The following ZSWIM6 variants were observed in gnomAD, a reference collection of about 807,000 sequenced individuals.
ZSWIM6 encodes zinc finger SWIM-type containing 6, also known as zinc finger SWIM domain-containing protein 6.
In ZSWIM6, 9 loss-of-function variants were observed where a neutral mutation model predicts 113.2. The observed-to-expected ratio is 0.08, with a 90% CI of 0.05 to 0.14. The LOEUF is 0.14. ZSWIM6 is among the 10% of genes least tolerant of loss of function. The pLI is 1.00. For missense variants in ZSWIM6, 1,162 were observed against 1,552.2 expected (o/e 0.75, Z 4.22); for synonymous variants, 611 against 606.5 (o/e 1.01, Z -0.11).
At chr5:61,527,332 G>T (rs576112349) in intron 7 of ZSWIM6, among the ~76,000 whole-genome samples, 1 of 152,128 alleles carries the variant, frequency 6.6e-6, no homozygotes, top group East Asian at 1.9e-4. Flanking sequence ...TAGTTGCTGG[G>T]TTTTTGTTTT....
chr5:61,494,237 A>G (rs748707277), intron 3 of ZSWIM6, 23 bp from the exon 4 acceptor site: 5 of 1,545,092 alleles, frequency 3.2e-6, no homozygotes, highest in South Asian at 1.2e-5. Context: ...ACAATTTTCT[A>G]AAGGTCTGTT....
chr5:61,397,229 G>T (rs926601081), intron 1 of ZSWIM6, among the ~76,000 whole-genome samples: 30 of 152,178 alleles, frequency 2.0e-4, no homozygotes, highest in African/African-American at 7.2e-4. Flanking sequence ...TATCCCAGTT[G>T]TGTGTAATAC....
intron 2 of ZSWIM6, among the ~76,000 whole-genome samples, chr5:61,479,407 C>T (rs879873877): frequency 6.6e-5 from 10 of 151,958 alleles, no homozygotes; most frequent in Non-Finnish European, 1.0e-4. Context: ...AGCCCAATAC[C>T]CTTCATCCTC....
chr5:61,510,090 C>T (rs994766666), intron 4 of ZSWIM6, among the ~76,000 whole-genome samples: 1 of 151,894 alleles, frequency 6.6e-6, no homozygotes, highest in Non-Finnish European at 1.5e-5. Flanking sequence ...CTGCCACCAC[C>T]GAGAGCCTCA....
At chr5:61,480,471 G>T (rs1747827144) in intron 2 of ZSWIM6, among the ~76,000 whole-genome samples, 1 of 152,146 alleles carries the variant, frequency 6.6e-6, no homozygotes, top group African/African-American at 2.4e-5. Context: ...TCCACGGTGA[G>T]GAAAATGGCT....
At chr5:61,434,623 G>A (rs1265985188) in intron 1 of ZSWIM6, among the ~76,000 whole-genome samples, 5 of 151,960 alleles carry the variant, frequency 3.3e-5, no homozygotes, top group East Asian at 1.9e-4. Context: ...CCATTATTTC[G>A]TTTCTTTTTA....
intron 1 of ZSWIM6, among the ~76,000 whole-genome samples, chr5:61,380,056 C>A (rs749805012): frequency 4.6e-5 from 7 of 151,938 alleles, no homozygotes; most frequent in Admixed American, 3.9e-4. Flanking sequence ...CTGTTTATTA[C>A]TCTGTCTTCA....
chr5:61,536,174 T>C (rs962992872), intron 10 of ZSWIM6, among the ~76,000 whole-genome samples: 1 of 152,204 alleles, frequency 6.6e-6, no homozygotes, highest in East Asian at 1.9e-4. Context: ...CTGCCTCTCT[T>C]CTGACTGCTT....
chr5:61,451,744 T>C (rs1011982271), intron 1 of ZSWIM6, among the ~76,000 whole-genome samples: 1 of 152,214 alleles, frequency 6.6e-6, no homozygotes, highest in Non-Finnish European at 1.5e-5. Flanking sequence ...CTTTCTGCAT[T>C]GGTTTTTAGA....
intron 1 of ZSWIM6, chr5:61,375,131 G>A: frequency 6.2e-7 from 1 of 1,610,976 alleles, no homozygotes; most frequent in Non-Finnish European, 8.5e-7. Flanking sequence ...CGGGACAATC[G>A]GGTGGCCTAT....
chr5:61,465,039 G>A (rs1015852780), intron 1 of ZSWIM6, among the ~76,000 whole-genome samples: 1 of 152,172 alleles, frequency 6.6e-6, no homozygotes, highest in Non-Finnish European at 1.5e-5. Context: ...AGGTGACAAG[G>A]GATCCTAGAG....
chr5:61,517,477 T>C (rs1165627806), intron 4 of ZSWIM6, among the ~76,000 whole-genome samples: 2 of 152,104 alleles, frequency 1.3e-5, no homozygotes, highest in Non-Finnish European at 2.9e-5. Context: ...AGTTCATTTT[T>C]TTATAGTTTA....
intron 1 of ZSWIM6, among the ~76,000 whole-genome samples, chr5:61,419,261 C>G (rs1315613421): frequency 6.6e-6 from 1 of 152,176 alleles, no homozygotes; most frequent in East Asian, 1.9e-4. Context: ...TTTAGTCACT[C>G]TTTGGATTTG....
Position 61,544,263 on chromosome 5 carries a change from A to G in ZSWIM6, c.3594A>G (p.Gln1198=). The change falls in exon 14 of 14, where the codon CAA becomes CAG. Residue 1198 remains glutamine, a synonymous_variant. Coordinates refer to ENST00000252744, the MANE Select transcript of ZSWIM6 (RefSeq NM_020928.2). Reference sequence around the variant, plus strand: ...CACAGTTTATTGACAACCTGAAACAAATCTACAAAGGCAAAAAGAAACTGA... The same window carrying G: ...CACAGTTTATTGACAACCTGAAACAGATCTACAAAGGCAAAAAGAAACTGA... ...QFTQFIDNLK[Q]IYKGKKKLMM... The G allele has an allele frequency of 1.9e-6, 3 of 1,547,522 alleles. No individual in the cohort carries two copies. Among genetic ancestry groups the G allele is most frequent in the Non-Finnish European group, 2.6e-6 (3 of 1,146,406 alleles).
chr5:61,384,972 A>G (rs898332272), intron 1 of ZSWIM6, among the ~76,000 whole-genome samples: 11 of 152,172 alleles, frequency 7.2e-5, no homozygotes, highest in African/African-American at 2.4e-4. Flanking sequence ...AGGCAGGAGA[A>G]TGGCGTGAAC....
chr5:61,332,354 AGCGGCGGCGGCGGCGGCGCGGGTGGCG>A lies in ZSWIM6; in HGVS notation c.85_111del (p.Gly29_Gly37del). On this transcript the variant is annotated inframe_deletion, in exon 1 of 14. Transcript: ENST00000252744. ...CGGCGGCGGCGGCGGCGGGGGCAGC[AGCGGCGGCGGCGGCGGCGCGGGTGGCG>A]GCTACAGCTCTGCCTGTCGGCCAGG... The A allele has an allele frequency of 1.0e-6, 1 of 1,005,024 alleles. No individual in the cohort carries two copies. 62.3% of individuals were successfully genotyped at this position (1,005,024 alleles called of 1,614,324 possible).
intron 1 of ZSWIM6, among the ~76,000 whole-genome samples, chr5:61,388,184 T>C (rs1429185788): frequency 2.6e-5 from 4 of 151,914 alleles, no homozygotes; most frequent in South Asian, 2.1e-4. Flanking sequence ...GGTTTCATCA[T>C]GTTGGCCAGA....
intron 2 of ZSWIM6, 33 bp from the exon 3 acceptor site, chr5:61,490,753 C>A (rs1380890691): frequency 2.6e-6 from 4 of 1,538,864 alleles, no homozygotes; most frequent in Admixed American, 2.0e-5. Context: ...TTTTATCTAG[C>A]CTGTGTGTTA....
intron 1 of ZSWIM6, among the ~76,000 whole-genome samples, chr5:61,471,828 G>T (rs1747580182): frequency 6.6e-6 from 1 of 152,142 alleles, no homozygotes; most frequent in Non-Finnish European, 1.5e-5. Context: ...GTGCGAAAAA[G>T]GTTGGGGACC....
Sources: gnomAD v4.1 joint callset for allele counts (sites outside exome capture counted in the v4.1 genomes callset) on GRCh38, gnomAD v4.1.1 for gene constraint, MANE v1.5 for transcripts, NCBI Gene and HGNC (gene_info 2026-07-23, HGNC 2026-07-21) for gene names.